TLN2: variants seen among roughly 807,000 people sequenced by gnomAD.
TLN2 encodes the protein talin-2.
In TLN2, 118 loss-of-function variants were observed where a neutral mutation model predicts 294.7. That is an observed-to-expected ratio of 0.40 (90% CI 0.34 to 0.47). TLN2 has a LOEUF of 0.47. TLN2 is among the 20% of genes least tolerant of loss of function. TLN2 has a pLI of 0.84. For synonymous variants in TLN2, 1,431 were observed against 1,304.5 expected (o/e 1.10, Z -2.09); for missense variants, 3,083 against 3,282.2 (o/e 0.94, Z 1.48).
chr15:62,622,875 A>G (rs2048952446), intron 3 of TLN2, among the ~76,000 whole-genome samples: 3 of 152,228 alleles, frequency 2.0e-5, no homozygotes, highest in African/African-American at 7.2e-5. Flanking sequence ...CTGTATCTGT[A>G]ATAACACTCT....
chr15:62,582,113 G>A (rs981241421), intron 1 of TLN2, among the ~76,000 whole-genome samples: 1 of 151,270 alleles, frequency 6.6e-6, no homozygotes, highest in African/African-American at 2.4e-5. Flanking sequence ...AGAGGAAAAC[G>A]AGGGCTTAAG....
chr15:62,694,199 A>T (rs1378939394), intron 13 of TLN2, 117 bp from the exon 14 acceptor site: 8 of 768,610 alleles, frequency 1.0e-5, no homozygotes, highest in Non-Finnish European at 1.8e-5. Context: ...TTTGTCTCGA[A>T]CTCCTGACCT....
intron 29 of TLN2, 122 bp from the exon 30 acceptor site, chr15:62,738,092 C>T: frequency 1.9e-6 from 2 of 1,063,628 alleles, no homozygotes; most frequent in Non-Finnish European, 2.7e-6. Flanking sequence ...GTAAGAGTGG[C>T]AGGTGGATGC....
chr15:62,508,414 A>G lies in TLN2; in HGVS notation c.-237-81273A>G, dbSNP rs368455123. Among the ~76,000 whole-genome samples the G allele has an allele frequency of 2.8e-4, 43 of 152,132 alleles. 1 individual carries two copies. The East Asian group carries it at 6.2e-3, about 22-fold the overall frequency. On this transcript the variant is annotated intron_variant, in intron 1 of 58. Coordinates refer to ENST00000636159, the MANE Select transcript of TLN2 (RefSeq NM_015059.3). The stretch of plus-strand genomic sequence containing the variant: ...GTATTTTTAGTAGAGACGGGGTTTC[A>G]CCATCTTGGCCAGGCTGGTCTCGAA...
intron 1 of TLN2, among the ~76,000 whole-genome samples, chr15:62,404,062 T>C (rs1437380910): frequency 6.6e-6 from 1 of 152,196 alleles, no homozygotes; most frequent in Non-Finnish European, 1.5e-5. Flanking sequence ...GAGGTTAGCC[T>C]TGGATGAGGG....
intron 1 of TLN2, among the ~76,000 whole-genome samples, chr15:62,513,687 T>C (rs2040045052): frequency 1.3e-5 from 2 of 152,246 alleles, no homozygotes. Flanking sequence ...CTAAAGGGTC[T>C]AGCAGAGTGT....
At chr15:62,770,566 TCTC>T (rs575643719) in intron 41 of TLN2, among the ~76,000 whole-genome samples, 2 of 152,314 alleles carry the variant, frequency 1.3e-5, no homozygotes, top group Non-Finnish European at 2.9e-5. Context: ...GTTTCTTTCA[TCTC>T]CTGCTTTTTT....
rs955653968 is a variant in TLN2, at chr15:62,643,832, A to G, written c.-36-3443A>G. 1.3e-4 allele frequency among the ~76,000 whole-genome samples: 20 copies of G among 152,220 alleles called. No homozygotes were observed. In the East Asian group the frequency reaches 3.9e-3, roughly 29 times the overall value. On this transcript the variant is annotated intron_variant, in intron 3 of 58. Transcript: ENST00000636159. ...GACTTAGCCACTCACCTTCTCCGCA[A>G]TAGACCCGGGCAGCCATGTGCACTT...
chr15:62,446,996 A>G (rs902373457), intron 1 of TLN2, among the ~76,000 whole-genome samples: 12 of 152,166 alleles, frequency 7.9e-5, no homozygotes, highest in Non-Finnish European at 1.3e-4. Context: ...TCCTGAACAA[A>G]TGGGTTTTTA....
intron 1 of TLN2, among the ~76,000 whole-genome samples, chr15:62,501,158 A>C (rs1237160770): frequency 2.0e-5 from 3 of 152,242 alleles, no homozygotes; most frequent in Non-Finnish European, 4.4e-5. Context: ...GGAGCTTGGG[A>C]CAGGTAAGCC....
chr15:62,466,228 T>C (rs2037128251), intron 1 of TLN2, among the ~76,000 whole-genome samples: 1 of 152,166 alleles, frequency 6.6e-6, no homozygotes, highest in African/African-American at 2.4e-5. Context: ...TTAGTGACAA[T>C]GAACCAGAGA....
chr15:62,750,626 G>T (rs1324610219), intron 34 of TLN2, 135 bp downstream of exon 34: 1 of 743,452 alleles, frequency 1.3e-6, no homozygotes, highest in East Asian at 2.6e-5. Flanking sequence ...CCTATTTGTG[G>T]AGCCCTTTGC....
intron 58 of TLN2, among the ~76,000 whole-genome samples, chr15:62,839,972 G>T (rs2070420947): frequency 6.6e-6 from 1 of 152,088 alleles, no homozygotes; most frequent in African/African-American, 2.4e-5. Flanking sequence ...CTATCAGCAA[G>T]TCTTCCTCAG....
At chr15:62,482,934 T>C (rs1300511266) in intron 1 of TLN2, among the ~76,000 whole-genome samples, 2 of 152,158 alleles carry the variant, frequency 1.3e-5, no homozygotes, top group Non-Finnish European at 2.9e-5. Context: ...TCCACAGTGC[T>C]TGGTGTTGAC....
At chr15:62,429,105 G>T (rs1465234194) in intron 1 of TLN2, among the ~76,000 whole-genome samples, 2 of 150,962 alleles carry the variant, frequency 1.3e-5, no homozygotes, top group Non-Finnish European at 3.0e-5. Flanking sequence ...TTGTGGCTCT[G>T]GGTGGGAACC....
intron 22 of TLN2, among the ~76,000 whole-genome samples, chr15:62,714,737 A>C (rs2059660003): frequency 6.6e-6 from 1 of 152,216 alleles, no homozygotes; most frequent in Non-Finnish European, 1.5e-5. Flanking sequence ...CAATGGTTAG[A>C]CTTCCAAGGA....
chr15:62,805,481 A>T, intron 50 of TLN2, 119 bp from the exon 51 acceptor site: 1 of 1,069,180 alleles, frequency 9.4e-7, no homozygotes, highest in Non-Finnish European at 1.3e-6. Context: ...GCCATGTGAC[A>T]GTTTCTTCCA....
At chr15:62,523,916 G>A (rs1031451422) in intron 1 of TLN2, among the ~76,000 whole-genome samples, 2 of 152,172 alleles carry the variant, frequency 1.3e-5, no homozygotes, top group African/African-American at 4.8e-5. Context: ...TGAACATACC[G>A]ATCCCAGCTG....
chr15:62,597,157 A>G (rs933766228), intron 2 of TLN2, among the ~76,000 whole-genome samples: 1 of 152,036 alleles, frequency 6.6e-6, no homozygotes, highest in Non-Finnish European at 1.5e-5. Context: ...TGTCTCCTAG[A>G]TACACTATTT....
Sources: gnomAD v4.1 joint callset for allele counts (sites outside exome capture counted in the v4.1 genomes callset) on GRCh38, gnomAD v4.1.1 for gene constraint, MANE v1.5 for transcripts, NCBI Gene and HGNC (gene_info 2026-07-23, HGNC 2026-07-21) for gene names.